THSD4: variants seen among roughly 807,000 people sequenced by gnomAD.
THSD4 encodes thrombospondin type 1 domain containing 4, also known as thrombospondin type-1 domain-containing protein 4.
A neutral mutation model predicts 119.0 loss-of-function variants in THSD4; 69 were observed. That is an observed-to-expected ratio of 0.58 (90% CI 0.48 to 0.71). The LOEUF is 0.71. Among genes scored for constraint, THSD4 ranks in the 30% least tolerant of loss-of-function variants. THSD4 has a pLI of 0.00. For missense variants in THSD4, 1,393 were observed against 1,391.1 expected, an observed-to-expected ratio of 1.00 and a Z score of -0.02; for synonymous variants, 524 against 540.4, an observed-to-expected ratio of 0.97 and a Z score of 0.42.
rs117618999 is a variant in THSD4 at position 71,205,784 on chromosome 15, A to G, written c.100-9251A>G. On this transcript the variant is annotated intron_variant, in intron 3 of 17. Coordinates refer to ENST00000261862, the MANE Select transcript of THSD4 (RefSeq NM_024817.3). ...GTCAGAGTCTAGATAGTTGATCAAG[A>G]TGTAACATTAAATCATCTGTCTCAG... 3.9e-4 allele frequency among the ~76,000 whole-genome samples: 59 copies of G among 151,828 alleles called. 2 individuals carry two copies. In the East Asian group the frequency reaches 0.011, roughly 30 times the overall value.
At chr15:71,259,808 G>A (rs935952392) in intron 6 of THSD4, among the ~76,000 whole-genome samples, 4 of 152,208 alleles carry the variant, frequency 2.6e-5, no homozygotes, top group African/African-American at 9.6e-5. Flanking sequence ...AGAATCATGG[G>A]TATTTGATAA....
chr15:71,771,644 A>G (rs1167311671), intron 17 of THSD4, among the ~76,000 whole-genome samples: 2 of 152,138 alleles, frequency 1.3e-5, no homozygotes, highest in Non-Finnish European at 2.9e-5. Context: ...GGGTCTGACC[A>G]TCTCTCAGAG....
At chr15:71,427,995 T>C (rs1022794389) in intron 7 of THSD4, among the ~76,000 whole-genome samples, 2 of 152,040 alleles carry the variant, frequency 1.3e-5, no homozygotes, top group African/African-American at 4.8e-5. Context: ...TATGAAAGAA[T>C]AGGTAGCATT....
intron 5 of THSD4, among the ~76,000 whole-genome samples, chr15:71,249,101 A>T (rs144078050): frequency 3.9e-5 from 6 of 152,236 alleles, no homozygotes; most frequent in African/African-American, 1.4e-4. Flanking sequence ...TGACCTTTTC[A>T]TACATATATA....
intron 6 of THSD4, among the ~76,000 whole-genome samples, chr15:71,339,501 C>A (rs1425842069): frequency 6.6e-6 from 1 of 152,072 alleles, no homozygotes; most frequent in African/African-American, 2.4e-5. Context: ...AACAATATAA[C>A]CTCATTAAAA....
intron 3 of THSD4, among the ~76,000 whole-genome samples, chr15:71,163,045 T>C (rs1337244772): frequency 3.9e-5 from 6 of 152,016 alleles, no homozygotes; most frequent in African/African-American, 1.4e-4. Context: ...CCTGATTTCA[T>C]TGACTTGTTT....
chr15:71,569,619 A>G (rs1230259839), intron 7 of THSD4, among the ~76,000 whole-genome samples: 1 of 152,230 alleles, frequency 6.6e-6, no homozygotes, highest in East Asian at 1.9e-4. Context: ...ATCTAACTAG[A>G]GATGTGTCAA....
intron 14 of THSD4, among the ~76,000 whole-genome samples, chr15:71,752,433 C>T (rs116425877): frequency 0.014 from 2,143 of 152,254 alleles, 51 homozygotes; most frequent in African/African-American, 0.048. Context: ...CTCTTTCGTT[C>T]GTTTTGGAAA....
At chr15:71,676,773 A>T (rs1210051072) in intron 8 of THSD4, among the ~76,000 whole-genome samples, 2 of 152,126 alleles carry the variant, frequency 1.3e-5, no homozygotes, top group East Asian at 3.9e-4. Flanking sequence ...TGTTTTCAAG[A>T]TTCATCCCTG....
At chr15:71,492,763 C>T (rs893265338) in intron 7 of THSD4, among the ~76,000 whole-genome samples, 3 of 152,104 alleles carry the variant, frequency 2.0e-5, no homozygotes, top group African/African-American at 7.2e-5. Context: ...GCAGAAGCTC[C>T]CTATTGTTTC....
chr15:71,773,249 C>T (rs2053857147), intron 17 of THSD4, among the ~76,000 whole-genome samples: 1 of 142,634 alleles, frequency 7.0e-6, no homozygotes, highest in Non-Finnish European at 1.5e-5. Context: ...AAAAGTTATA[C>T]ACATAAAGCT....
intron 8 of THSD4, among the ~76,000 whole-genome samples, chr15:71,696,564 A>G (rs759894381): frequency 7.9e-5 from 12 of 152,188 alleles, no homozygotes; most frequent in Non-Finnish European, 1.8e-4. Context: ...TTAAAAGGAG[A>G]AAATGGGGGC....
intron 7 of THSD4, among the ~76,000 whole-genome samples, chr15:71,473,787 C>T (rs1416885176): frequency 2.6e-5 from 4 of 152,276 alleles, no homozygotes; most frequent in Middle Eastern, 3.4e-3. Flanking sequence ...GCATGCTGTG[C>T]GATGCATACA....
Position 71,541,394 on chromosome 15 carries a change from A to G in THSD4, c.1153-119136A>G, listed in dbSNP as rs373913252. 1.4e-4 allele frequency among the ~76,000 whole-genome samples: 21 copies of G among 152,364 alleles called. No homozygotes were observed. In the East Asian group the frequency reaches 3.9e-3, roughly 28 times the overall value. On this transcript the variant is annotated intron_variant, in intron 7 of 17. Transcript: ENST00000261862. ...AAGTGGCTGCAGTATGAGACAGCAC[A>G]GATGTATAATAATAAATTTTCCTCG... is the stretch of plus-strand genomic sequence containing the variant.
At chr15:71,348,523 G>A (rs944281506) in intron 6 of THSD4, 3 of 152,156 alleles carry the variant, frequency 2.0e-5, no homozygotes, top group Admixed American at 1.3e-4. Context: ...GATACCTTGC[G>A]AGTCTGTGCT....
At position 71,419,194 on chromosome 15, in the gene THSD4, T is replaced by C. The variant is rs2140513487; in HGVS notation, c.1152+7371T>C. Among the ~76,000 whole-genome samples the C allele has an allele frequency of 4.2e-5, 2 of 47,564 alleles. 1 individual carries two copies. The highest frequency in any genetic ancestry group is 8.7e-5 in the Non-Finnish European group (2 of 22,946). The allele number at this position is 47,564 out of a possible 152,430, so 31.2% of individuals were successfully genotyped here. ...CTCTGATCTTTATTATTTCTTTTCTTTTCTTTTCTTTTTCTTTTTCTTTTT... is the reference window on the plus strand; with the variant it reads ...CTCTGATCTTTATTATTTCTTTTCTCTTCTTTTCTTTTTCTTTTTCTTTTT... On this transcript the variant is annotated intron_variant, in intron 7 of 17. Coordinates refer to ENST00000261862, the MANE Select transcript of THSD4 (RefSeq NM_024817.3).
At chr15:71,746,758 T>G in intron 12 of THSD4, 80 bp from the exon 13 acceptor site, 3 of 1,409,698 alleles carry the variant, frequency 2.1e-6, no homozygotes, top group Non-Finnish European at 3.0e-6. Flanking sequence ...GATGATTCTG[T>G]GTACGCTGCT....
intron 11 of THSD4, among the ~76,000 whole-genome samples, chr15:71,738,503 G>T (rs575711565): frequency 6.6e-6 from 1 of 152,162 alleles, no homozygotes. Context: ...AAGGGCTTAC[G>T]AGACCCAGAA....
At chr15:71,204,971 C>T (rs971886905) in intron 3 of THSD4, among the ~76,000 whole-genome samples, 13 of 152,154 alleles carry the variant, frequency 8.5e-5, no homozygotes, top group African/African-American at 2.4e-5. Flanking sequence ...AGCCTATGAG[C>T]TCAGTTTAGC....
Sources: allele counts gnomAD v4.1 joint callset (sites outside exome capture counted in the v4.1 genomes callset), GRCh38; gene constraint gnomAD v4.1.1; transcripts MANE v1.5; gene names NCBI Gene and HGNC (gene_info 2026-07-23, HGNC 2026-07-21).